Variants in CSMD1 observed in about 807,000 individuals in gnomAD.
The protein encoded by CSMD1 is CUB and sushi domain-containing protein 1.
In CSMD1, 213 loss-of-function variants were observed where a neutral mutation model predicts 417.5. That is an observed-to-expected ratio of 0.51 (90% confidence interval 0.46 to 0.57). The LOEUF (loss-of-function observed/expected upper bound fraction) is 0.57. Among genes scored for constraint, CSMD1 ranks in the 20% least tolerant of loss-of-function variants. The pLI, the probability that CSMD1 is intolerant of heterozygous loss-of-function variation, is 0.00. For synonymous variants in CSMD1, 2,862 were observed against 1,736.8 expected, an observed-to-expected ratio of 1.65 and a Z score of -16.11; for missense variants, 6,923 against 4,529.7, an observed-to-expected ratio of 1.53 and a Z score of -15.17.
intron 40 of CSMD1, among the ~76,000 whole-genome samples, chr8:3,145,699 G>T (rs1025246204): frequency 1.3e-5 from 2 of 152,148 alleles, no homozygotes; most frequent in African/African-American, 2.4e-5. Context: ...ATTGCATCCA[G>T]TTTGACATTG....
intron 26 of CSMD1, among the ~76,000 whole-genome samples, chr8:3,282,343 C>G (rs573434703): frequency 1.3e-5 from 2 of 152,150 alleles, no homozygotes; most frequent in South Asian, 4.2e-4. Context: ...TCTACTCAAT[C>G]TTACTGCCAG....
chr8:4,582,107 G>T (rs2725071), intron 2 of CSMD1, among the ~76,000 whole-genome samples: 2 of 151,130 alleles, frequency 1.3e-5, no homozygotes, highest in African/African-American at 4.9e-5. Context: ...TTTATTATCT[G>T]AACTGATGAG....
intron 2 of CSMD1, among the ~76,000 whole-genome samples, chr8:4,427,434 C>T (rs1322299086): frequency 6.6e-6 from 1 of 151,828 alleles, no homozygotes; most frequent in East Asian, 1.9e-4. Context: ...GACTTAGATA[C>T]CATCCGGGGA....
Position 3,029,302 on chromosome 8 carries a change from C to T in CSMD1, c.7855+17G>A, listed in dbSNP as rs1810170675. 1.9e-6 allele frequency: 3 copies of T among 1,568,682 alleles called. No individual in the cohort carries two copies. The highest frequency in any genetic ancestry group is 1.2e-5 in the South Asian group (1 of 84,850). ...TAGGATGCCGTGACTTTCAGGGGTGCCTCCCTCATCACTTACCTCGACAGC... is the reference window on the plus strand; with the variant it reads ...TAGGATGCCGTGACTTTCAGGGGTGTCTCCCTCATCACTTACCTCGACAGC... On this transcript the variant is annotated intron_variant, in intron 51 of 69. Transcript: ENST00000635120.
rs1028015326 is a variant in CSMD1 at position 3,249,633 on chromosome 8, T to C, written c.4154-19402A>G. Among the ~76,000 whole-genome samples the C allele has an allele frequency of 5.3e-5, 8 of 152,314 alleles. No homozygotes were observed. The East Asian group carries it at 1.3e-3, about 26-fold the overall frequency. ...ACACATATATACATATAGGAGATAA[T>C]GTAAACATGTAATTAAAACATTGAT... On this transcript the variant is annotated intron_variant, in intron 26 of 69. Coordinates refer to ENST00000635120, the MANE Select transcript of CSMD1 (RefSeq NM_033225.6).
chr8:3,953,579 G>T (rs376068896), intron 5 of CSMD1, among the ~76,000 whole-genome samples: 52 of 152,240 alleles, frequency 3.4e-4, no homozygotes, highest in African/African-American at 1.1e-3. Flanking sequence ...GATAATTGGA[G>T]CTATTAAAGT....
At chr8:3,705,944 G>T (rs533905443) in intron 7 of CSMD1, among the ~76,000 whole-genome samples, 1 of 152,224 alleles carries the variant, frequency 6.6e-6, no homozygotes, top group Admixed American at 6.5e-5. Context: ...TGGGCAGCCA[G>T]TGTCACCTTG....
At chr8:3,300,854 G>A (rs142163374) in intron 25 of CSMD1, among the ~76,000 whole-genome samples, 1 of 148,604 alleles carries the variant, frequency 6.7e-6, no homozygotes, top group East Asian at 2.0e-4. Context: ...AGCTACTCAG[G>A]ACACTGAGGC....
rs1368183563 is a variant in CSMD1, at chr8:3,010,589, T to C, written c.8029+7888A>G. 2.6e-5 allele frequency among the ~76,000 whole-genome samples: 4 copies of C among 152,262 alleles called. No homozygotes were observed. In the East Asian group the frequency reaches 5.8e-4, roughly 22 times the overall value. ...GGGTTGCAGCTCTTGATTTCTGGAA[T>C]GGCTTTACCCCATGCCTGCTTGCTG... On this transcript the variant is annotated intron_variant, in intron 52 of 69. Transcript: ENST00000635120.
In CSMD1 at chr8:4,391,473, T is replaced by C. The variant is rs577752514; in HGVS notation, c.415+28480A>G. ...CTAATTATCAGAGTACATATGAACA[T>C]AGAACTCTGACCCACACCCTCTGCT... On this transcript the variant is annotated intron_variant, in intron 3 of 69. Transcript: ENST00000635120. Among the ~76,000 whole-genome samples, 85 of 152,150 alleles carry C rather than the reference T, an allele frequency of 5.6e-4. No individual in the cohort carries two copies. In the South Asian group the frequency reaches 8.7e-3, roughly 16 times the overall value.
At chr8:4,944,495 A>G (rs1808231210) in intron 1 of CSMD1, among the ~76,000 whole-genome samples, 1 of 152,208 alleles carries the variant, frequency 6.6e-6, no homozygotes. Flanking sequence ...AGATCTTGGG[A>G]AAGCTGAAAG....
chr8:3,903,969 C>G (rs1456155018), intron 5 of CSMD1, among the ~76,000 whole-genome samples: 1 of 151,980 alleles, frequency 6.6e-6, no homozygotes, highest in East Asian at 1.9e-4. Flanking sequence ...CCTGGAATAC[C>G]TTGTTCTGTA....
At chr8:4,840,865 C>G (rs1353763931) in intron 1 of CSMD1, among the ~76,000 whole-genome samples, 1 of 152,208 alleles carries the variant, frequency 6.6e-6, no homozygotes, top group Non-Finnish European at 1.5e-5. Flanking sequence ...AAAATACATT[C>G]TTGTTATTAA....
At chr8:3,557,000 T>A (rs902970490) in intron 10 of CSMD1, among the ~76,000 whole-genome samples, 4 of 152,186 alleles carry the variant, frequency 2.6e-5, no homozygotes, top group East Asian at 1.9e-4. Context: ...CTTTGCAGTA[T>A]CCTCTTTGTA....
chr8:4,537,328 T>C (rs1797150274), intron 2 of CSMD1, among the ~76,000 whole-genome samples: 1 of 152,206 alleles, frequency 6.6e-6, no homozygotes, highest in Non-Finnish European at 1.5e-5. Flanking sequence ...TGCGACTTAA[T>C]AAATGCTAAA....
intron 8 of CSMD1, among the ~76,000 whole-genome samples, chr8:3,611,775 A>C (rs976090065): frequency 6.6e-6 from 1 of 152,120 alleles, no homozygotes; most frequent in Non-Finnish European, 1.5e-5. Flanking sequence ...AGAACTCATA[A>C]CTCGATGAAT....
intron 1 of CSMD1, among the ~76,000 whole-genome samples, chr8:4,878,643 A>G (rs568410843): frequency 1.3e-5 from 2 of 152,108 alleles, no homozygotes; most frequent in South Asian, 4.2e-4. Flanking sequence ...TCAAAATTTC[A>G]AAGGAAATTT....
chr8:3,826,561 C>A (rs1288638093), intron 5 of CSMD1, among the ~76,000 whole-genome samples: 1 of 152,098 alleles, frequency 6.6e-6, no homozygotes, highest in Non-Finnish European at 1.5e-5. Flanking sequence ...ATGAGCGCCT[C>A]TCTCTGGGTT....
chr8:4,761,890 C>CTACCTAT (rs1563319356), intron 1 of CSMD1, among the ~76,000 whole-genome samples: 6 of 93,656 alleles, frequency 6.4e-5, no homozygotes, highest in African/African-American at 2.3e-4. Flanking sequence ...TATCTATCTA[C>CTACCTAT]CTACCTATCT....
Sources: allele counts gnomAD v4.1 joint callset (sites outside exome capture counted in the v4.1 genomes callset), GRCh38; gene constraint gnomAD v4.1.1; transcripts MANE v1.5; gene names NCBI Gene and HGNC (gene_info 2026-07-23, HGNC 2026-07-21).